The following ZNF469 variants were observed in gnomAD, a reference collection of about 807,000 sequenced individuals.
ZNF469 encodes zinc finger protein 469.
A neutral mutation model predicts 1.0 loss-of-function variants in ZNF469; 1 was observed. That is an observed-to-expected ratio of 1.00 (90% CI 0.35 to 4.73). The LOEUF is 4.73. Ranked by LOEUF, ZNF469 falls within the 30% of genes most tolerant of loss-of-function variation. ZNF469 has a pLI of 0.16. For missense variants in ZNF469, 6,100 were observed against 5,356.3 expected, an observed-to-expected ratio of 1.14 and a Z score of -4.33; for synonymous variants, 2,703 against 2,363.4, an observed-to-expected ratio of 1.14 and a Z score of -4.17.
chr16:88,101,035 G>C, the ZNF469 span: 1 of 228,662 alleles, frequency 4.4e-6, no homozygotes, highest in Non-Finnish European at 8.8e-6. Flanking sequence ...CACCACAGGG[G>C]ATGGGCGCCG....
the ZNF469 span, among the ~76,000 whole-genome samples, chr16:88,217,248 A>G: frequency 6.6e-6 from 1 of 152,016 alleles, no homozygotes. Flanking sequence ...ATGAGACAGT[A>G]GTAACTCCTC....
At position 88,440,601 on chromosome 16, in the gene ZNF469, AT is replaced by A. The variant is rs1906930342; in HGVS notation, c.*1270del. ...TATTTTGATATTTGAAAGAGACCAA[AT>A]CAGGCCCAGACCGCCTCTCTGGAAG... On this transcript the variant is annotated 3_prime_UTR_variant, in exon 3 of 3. Coordinates refer to ENST00000565624, the MANE Select transcript of ZNF469 (RefSeq NM_001367624.2). The A allele has an allele frequency of 6.6e-6, 1 of 152,120 alleles. No homozygotes were observed. The highest frequency in any genetic ancestry group is 2.1e-4 in the South Asian group (1 of 4,828). The allele number at this position is 152,120 out of a possible 1,614,324, so 9.4% of individuals were successfully genotyped here.
At chr16:88,316,468 C>T in the ZNF469 span, among the ~76,000 whole-genome samples, 7 of 150,610 alleles carry the variant, frequency 4.6e-5, no homozygotes, top group African/African-American at 1.2e-4. Flanking sequence ...GCAGACACCC[C>T]GACGGTGGGC....
the ZNF469 span, among the ~76,000 whole-genome samples, chr16:88,145,252 T>G: frequency 1.3e-5 from 2 of 152,250 alleles, no homozygotes; most frequent in Non-Finnish European, 2.9e-5. Flanking sequence ...GTCAACCGAC[T>G]AGCATTTTAA....
the ZNF469 span, among the ~76,000 whole-genome samples, chr16:88,109,363 C>T: frequency 6.6e-6 from 1 of 152,250 alleles, no homozygotes; most frequent in East Asian, 1.9e-4. Flanking sequence ...TCCAAGGAGC[C>T]TCTGCACCTC....
At chr16:88,383,766 G>A (rs983784202) in intron 1 of ZNF469, among the ~76,000 whole-genome samples, 2 of 151,882 alleles carry the variant, frequency 1.3e-5, no homozygotes, top group African/African-American at 4.8e-5. Flanking sequence ...ATAGGCTTGC[G>A]AGTCGGCGGT....
chr16:88,180,724 A>C, the ZNF469 span, among the ~76,000 whole-genome samples: 9 of 151,454 alleles, frequency 5.9e-5, 1 homozygote, highest in East Asian at 1.8e-3. Flanking sequence ...CAGTGAGCCA[A>C]CGTGGTCCCA....
At chr16:88,409,289 T>C (rs1905084687) in intron 1 of ZNF469, among the ~76,000 whole-genome samples, 1 of 152,232 alleles carries the variant, frequency 6.6e-6, no homozygotes, top group Non-Finnish European at 1.5e-5. Context: ...ATCTGTGAAA[T>C]GGAGGTAGAG....
the ZNF469 span, among the ~76,000 whole-genome samples, chr16:88,163,192 A>G: frequency 0.029 from 599 of 20,420 alleles, no homozygotes; most frequent in African/African-American, 0.034. Flanking sequence ...ATGGATGGAT[A>G]GATAGAAGGA....
At chr16:88,239,213 T>C in the ZNF469 span, among the ~76,000 whole-genome samples, 1 of 152,176 alleles carries the variant, frequency 6.6e-6, no homozygotes. Context: ...TTTCTACTGG[T>C]CCTACTCGTT....
At chr16:88,159,732 T>C in the ZNF469 span, among the ~76,000 whole-genome samples, 1 of 152,176 alleles carries the variant, frequency 6.6e-6, no homozygotes, top group African/African-American at 2.4e-5. Context: ...CTCGGTGCTG[T>C]TTCTCACCTC....
intron 1 of ZNF469, among the ~76,000 whole-genome samples, chr16:88,408,095 C>G (rs1905063941): frequency 6.6e-6 from 1 of 152,240 alleles, no homozygotes; most frequent in African/African-American, 2.4e-5. Context: ...GTTTGTGTCT[C>G]AACCTCTTGT....
At chr16:88,312,506 T>A in the ZNF469 span, among the ~76,000 whole-genome samples, 1 of 152,222 alleles carries the variant, frequency 6.6e-6, no homozygotes, top group South Asian at 2.1e-4. Context: ...CTGTGTTTTG[T>A]TCATTTGTGT....
chr16:88,422,281 A>AATGGATTGATGGATGG (rs1555517876), intron 1 of ZNF469, among the ~76,000 whole-genome samples: 1 of 121,790 alleles, frequency 8.2e-6, no homozygotes, highest in Non-Finnish European at 1.7e-5. Context: ...ATAGGTGGGT[A>AATGGATTGATGGATGG]ATGGATGGAT....
chr16:88,438,269 C>G lies in ZNF469; in HGVS notation c.10799C>G (p.Ser3600Cys), dbSNP rs1299198850. The part of the protein sequence containing the change: ...LLQQALPLGA[S>C]LPRPGARGQD... Reference sequence around the variant, plus strand: ...CAGCAAGCTCTCCCTCTGGGGGCATCTCTGCCGCGGCCGGGAGCCAGAGGC... The same window carrying G: ...CAGCAAGCTCTCCCTCTGGGGGCATGTCTGCCGCGGCCGGGAGCCAGAGGC... Residue 3600 changes from serine to cysteine, a missense_variant, in exon 3 of 3, where the codon TCT becomes TGT. Coordinates refer to ENST00000565624, the MANE Select transcript of ZNF469 (RefSeq NM_001367624.2). The G allele has an allele frequency of 1.3e-6, 2 of 1,548,258 alleles. No individual in the cohort carries two copies. The highest frequency in any genetic ancestry group is 1.7e-6 in the Non-Finnish European group (2 of 1,145,604).
At chr16:88,285,538 C>G in the ZNF469 span, among the ~76,000 whole-genome samples, 4,023 of 152,358 alleles carry the variant, frequency 0.026, 197 homozygotes, top group East Asian at 0.16. Flanking sequence ...CGAGGTGAGG[C>G]CTTTCCAGCA....
chr16:88,383,937 C>T (rs946786381), intron 1 of ZNF469, among the ~76,000 whole-genome samples: 4 of 152,194 alleles, frequency 2.6e-5, no homozygotes, highest in South Asian at 2.1e-4. Flanking sequence ...TGGCGGCGGC[C>T]GGAAGGGAAG....
At chr16:88,297,730 A>G in the ZNF469 span, among the ~76,000 whole-genome samples, 1 of 152,210 alleles carries the variant, frequency 6.6e-6, no homozygotes, top group East Asian at 1.9e-4. Flanking sequence ...GACATCTGTG[A>G]TTGCATTCAG....
the ZNF469 span, among the ~76,000 whole-genome samples, chr16:88,260,205 T>G: frequency 1.3e-5 from 2 of 151,758 alleles, no homozygotes; most frequent in Non-Finnish European, 2.9e-5. This position sits in a 1 kb window ranked among gnomAD's most constrained non-coding sequence, Gnocchi z 4.1. Flanking sequence ...GTCAGGCTGG[T>G]CTCACACTCC....
Sources: gnomAD v4.1 joint callset for allele counts (sites outside exome capture counted in the v4.1 genomes callset) on GRCh38, gnomAD v4.1.1 for gene constraint, Gnocchi (gnomAD v3.1) non-coding constraint, MANE v1.5 for transcripts, NCBI Gene and HGNC (gene_info 2026-07-23, HGNC 2026-07-21) for gene names.